Variants in SCN9A observed in about 807,000 individuals in gnomAD.
The protein encoded by SCN9A is sodium voltage-gated channel alpha subunit 9, also known as sodium channel protein type 9 subunit alpha.
In SCN9A, 131 loss-of-function variants were observed where a neutral mutation model predicts 187.0. That is an observed-to-expected ratio of 0.70 (90% CI 0.61 to 0.81). SCN9A has a LOEUF of 0.81. SCN9A is among the 30% of genes least tolerant of loss of function. The pLI, the probability that SCN9A is intolerant of heterozygous loss-of-function variation, is 0.00. For missense variants in SCN9A, 2,252 were observed against 2,396.6 expected (o/e 0.94, Z 1.26); for synonymous variants, 809 against 808.6 (o/e 1.00, Z -0.01).
chr2:166,364,599 G>C (rs1241443108), intron 1 of SCN9A, among the ~76,000 whole-genome samples: 2 of 152,048 alleles, frequency 1.3e-5, no homozygotes, highest in Non-Finnish European at 2.9e-5. Flanking sequence ...AATGCTATAG[G>C]GTTCCACTTA....
intron 24 of SCN9A, among the ~76,000 whole-genome samples, chr2:166,210,272 C>A (rs953968511): frequency 2.6e-5 from 4 of 151,630 alleles, no homozygotes; most frequent in African/African-American, 9.7e-5. Flanking sequence ...CACATGGACA[C>A]AGGAAGGGGA....
intron 2 of SCN9A, among the ~76,000 whole-genome samples, chr2:166,308,672 C>T (rs2106530175): frequency 6.6e-6 from 1 of 152,170 alleles, no homozygotes; most frequent in South Asian, 2.1e-4. Context: ...CCTGTGTTCC[C>T]AGCACTTTGG....
At chr2:166,211,617 A>G (rs1426229722) in intron 24 of SCN9A, among the ~76,000 whole-genome samples, 1 of 152,110 alleles carries the variant, frequency 6.6e-6, no homozygotes, top group Non-Finnish European at 1.5e-5. Flanking sequence ...ACATTATAAA[A>G]AGATGTAAAT....
chr2:166,288,698 AT>A, intron 9 of SCN9A, 55 bp from the exon 10 acceptor site: 1 of 1,388,886 alleles, frequency 7.2e-7, no homozygotes, highest in Non-Finnish European at 9.7e-7. Flanking sequence ...TTAGTAAATT[AT>A]TTCAATTTGA....
intron 1 of SCN9A, among the ~76,000 whole-genome samples, chr2:166,355,924 C>T (rs1438600514): frequency 6.6e-6 from 1 of 152,048 alleles, no homozygotes; most frequent in Non-Finnish European, 1.5e-5. Flanking sequence ...AGGTGCCTGC[C>T]ACCACGCCCA....
At chr2:166,271,664 G>A (rs1290559404) in intron 17 of SCN9A, among the ~76,000 whole-genome samples, 1 of 151,988 alleles carries the variant, frequency 6.6e-6, no homozygotes, top group Non-Finnish European at 1.5e-5. Flanking sequence ...AGACCAGCCT[G>A]GGAAACATAG....
intron 6 of SCN9A, chr2:166,303,918 A>T: frequency 9.1e-7 from 1 of 1,097,002 alleles, no homozygotes; most frequent in South Asian, 1.4e-5. Context: ...TTTGATAATG[A>T]TTGTGGAAAA....
Position 166,199,338 on chromosome 2 carries a change from A to G in SCN9A, c.5301T>C (p.Thr1767=). ...CACTCAGAGGTTCAGTACTTTCTTC[A>G]GTGGCAACACTAAAATTCTCCAGTA... ...AVILENFSVA[T]EESTEPLSED... is the part of the protein sequence containing the mutation. Residue 1767 remains threonine (T), a synonymous_variant, in exon 27 of 27, where the codon ACT becomes ACC. Coordinates refer to ENST00000642356, the MANE Select transcript of SCN9A (RefSeq NM_001365536.1). The G allele has an allele frequency of 1.9e-6, 3 of 1,614,216 alleles. No homozygotes were observed. Among genetic ancestry groups the G allele is most frequent in the Non-Finnish European group, 1.7e-6 (2 of 1,180,036 alleles).
At chr2:166,276,546 G>A (rs1216366626) in intron 16 of SCN9A, 1 of 152,796 alleles carries the variant, frequency 6.5e-6, no homozygotes, top group Non-Finnish European at 1.5e-5. Flanking sequence ...TTTGGTCTGT[G>A]GGGCATAGGT....
chr2:166,201,490 A>G (rs949380058), intron 26 of SCN9A, among the ~76,000 whole-genome samples: 3 of 109,132 alleles, frequency 2.7e-5, no homozygotes, highest in Non-Finnish European at 5.7e-5. Flanking sequence ...TATACTATAT[A>G]TATAGTATAG....
chr2:166,311,374 A>ATT (rs1698947777), intron 2 of SCN9A, 125 bp downstream of exon 2: 1 of 123,478 alleles, frequency 8.1e-6, no homozygotes, highest in East Asian at 2.3e-4. Context: ...ATATATATAT[A>ATT]TATTTAATTT....
chr2:166,303,985 CT>C, intron 6 of SCN9A: 2 of 1,560,802 alleles, frequency 1.3e-6, no homozygotes, highest in Non-Finnish European at 1.8e-6. Flanking sequence ...TTATGTCTTT[CT>C]TTCAAAAGAT....
At chr2:166,309,581 C>A (rs1698874498) in intron 2 of SCN9A, among the ~76,000 whole-genome samples, 1 of 152,024 alleles carries the variant, frequency 6.6e-6, no homozygotes, top group Non-Finnish European at 1.5e-5. Context: ...CTACAAACCA[C>A]TGCTCAAGGA....
At chr2:166,270,415 T>C (rs1244856523) in intron 17 of SCN9A, among the ~76,000 whole-genome samples, 1 of 151,896 alleles carries the variant, frequency 6.6e-6, no homozygotes. Context: ...TTTTAGTCTC[T>C]GTGGGGGGCC....
In SCN9A at chr2:166,303,072, A is replaced by G. The variant is rs1698626010; in HGVS notation, c.901+18T>C. The stretch of plus-strand genomic sequence containing the variant: ...TAGCATTATTTCAACCTAATAACAA[A>G]TGCAAGGACATTCTTACTTCTAAAG... On this transcript the variant is annotated intron_variant, in intron 7 of 26. Coordinates refer to ENST00000642356, the MANE Select transcript of SCN9A (RefSeq NM_001365536.1). 1 of 1,517,006 alleles carries G rather than the reference A, an allele frequency of 6.6e-7. No homozygotes were observed. Among genetic ancestry groups the G allele is most frequent in the African/African-American group, 1.4e-5 (1 of 72,980 alleles). 94.0% of individuals were successfully genotyped at this position (1,517,006 alleles called of 1,614,324 possible). A position where few individuals can be genotyped will look rare whatever the true frequency, so the allele number is the denominator to read the frequency against.
chr2:166,374,895 T>C (rs924416355), intron 1 of SCN9A, among the ~76,000 whole-genome samples: 2 of 151,760 alleles, frequency 1.3e-5, no homozygotes, highest in Admixed American at 6.6e-5. Context: ...TCAGAGTAGA[T>C]ATAATCTATG....
chr2:166,261,949 T>G (rs1696526306), intron 17 of SCN9A, among the ~76,000 whole-genome samples: 1 of 151,950 alleles, frequency 6.6e-6, no homozygotes, highest in Non-Finnish European at 1.5e-5. Context: ...GCCAAATTGA[T>G]TTAATACTTT....
Position 166,251,840 on chromosome 2 carries a change from G to T in SCN9A, c.3397C>A (p.Pro1133Thr), listed in dbSNP as rs761748478. The T allele has an allele frequency of 3.7e-6, 6 of 1,612,410 alleles. No individual in the cohort carries two copies. The African/African-American group carries it at 5.3e-5, about 14-fold the overall frequency. Reference protein sequence around the residue: ...SSSECSTVDNPLPGEGEEAEA... With the variant: ...SSSECSTVDNTLPGEGEEAEA... ...GCTTCTTCTCCTTCTCCAGGCAAAG[G>T]GTTATCAACTGTGCTGCACTCTGAG... is the stretch of plus-strand genomic sequence containing the variant. Residue 1133 changes from proline to threonine, a missense_variant, in exon 18 of 27, where the codon CCT (proline) becomes ACT (threonine). Around this residue, in one of 7 missense-constraint regions of SCN9A, gnomAD observed 313 missense variants for 295.3 expected, o/e 1.06. Coordinates refer to ENST00000642356, the MANE Select transcript of SCN9A (RefSeq NM_001365536.1).
intron 1 of SCN9A, among the ~76,000 whole-genome samples, chr2:166,348,916 G>T (rs1269441752): frequency 2.0e-5 from 3 of 151,916 alleles, no homozygotes. Flanking sequence ...ACTTGAGGTC[G>T]GAAGTTCAAG....
Sources: allele counts gnomAD v4.1 joint callset (sites outside exome capture counted in the v4.1 genomes callset), GRCh38; gene constraint gnomAD v4.1.1; regional missense constraint gnomAD v4.1.1; transcripts MANE v1.5; gene names NCBI Gene and HGNC (gene_info 2026-07-23, HGNC 2026-07-21).